HDAC4: variants seen among roughly 807,000 people sequenced by gnomAD.
HDAC4 encodes histone deacetylase 4.
Under a neutral mutation model 135.1 loss-of-function variants are expected in HDAC4, and 16 were observed. The observed-to-expected ratio is 0.12, with a 90% CI of 0.08 to 0.18. The LOEUF is 0.18. HDAC4 is among the 10% of genes least tolerant of loss of function. HDAC4 has a pLI of 1.00. For missense variants in HDAC4, 1,143 were observed against 1,511.8 expected (o/e 0.76, Z 4.05); for synonymous variants, 685 against 653.4 (o/e 1.05, Z -0.74).
intron 3 of HDAC4, 99 bp from the exon 4 acceptor site, chr2:239,190,176 G>A: frequency 5.3e-6 from 7 of 1,328,908 alleles, no homozygotes; most frequent in Admixed American, 4.9e-5. Context: ...TCACGGGGCG[G>A]GGGGGGGGTT....
chr2:239,077,788 TG>T (rs559153906), intron 22 of HDAC4, among the ~76,000 whole-genome samples: 626 of 152,264 alleles, frequency 4.1e-3, no homozygotes, highest in Non-Finnish European at 6.7e-3. Context: ...AAAACACACC[TG>T]TCTACAAAAG....
intron 4 of HDAC4, 59 bp from the exon 5 acceptor site, chr2:239,176,622 C>A (rs1021083797): frequency 6.5e-7 from 1 of 1,548,796 alleles, no homozygotes; most frequent in East Asian, 2.2e-5. Flanking sequence ...CACACAGAGA[C>A]CCAATGAAGA....
At chr2:239,249,395 G>A (rs1451391795) in intron 2 of HDAC4, among the ~76,000 whole-genome samples, 1 of 152,196 alleles carries the variant, frequency 6.6e-6, no homozygotes, top group Non-Finnish European at 1.5e-5. Context: ...ACTCTGCGAT[G>A]GACTTGGCGT....
chr2:239,213,070 G>A (rs1458658934), intron 3 of HDAC4, among the ~76,000 whole-genome samples: 1 of 152,200 alleles, frequency 6.6e-6, no homozygotes, highest in Non-Finnish European at 1.5e-5. Flanking sequence ...ACGCAAAGCT[G>A]GAGGAGGTGT....
chr2:239,095,305 G>C (rs1349696335), intron 16 of HDAC4, among the ~76,000 whole-genome samples: 2 of 152,196 alleles, frequency 1.3e-5, no homozygotes, highest in African/African-American at 4.8e-5. Context: ...AATTGTTGTG[G>C]CATCAGCCTG....
chr2:239,299,829 G>A lies in HDAC4; in HGVS notation c.22+52849C>T, dbSNP rs537153272. Among the ~76,000 whole-genome samples, 16 of 152,138 alleles carry A rather than the reference G, an allele frequency of 1.1e-4. No individual in the cohort carries two copies. Among genetic ancestry groups the A allele is most frequent in the Non-Finnish European group, 1.9e-4 (13 of 68,012 alleles). On this transcript the variant is annotated intron_variant, in intron 2 of 26. Transcript: ENST00000543185. This position sits in a 1 kb window ranked among gnomAD's most constrained non-coding sequence, Gnocchi z 4.0. The stretch of plus-strand genomic sequence containing the variant: ...GTCACAGGGGAGGCACACACCAGAC[G>A]AACCAAACCAGCAACAGAGCGGAGA...
chr2:239,263,558 G>A (rs879721119), intron 2 of HDAC4, among the ~76,000 whole-genome samples: 1 of 152,212 alleles, frequency 6.6e-6, no homozygotes, highest in Non-Finnish European at 1.5e-5. Context: ...GCACGGAGCT[G>A]CTGTCAAGGA....
intron 22 of HDAC4, among the ~76,000 whole-genome samples, chr2:239,074,515 A>G (rs149113166): frequency 3.7e-4 from 57 of 152,354 alleles, no homozygotes; most frequent in African/African-American, 1.3e-3. Flanking sequence ...ACAAAATGGG[A>G]AAGATGAGCC....
At chr2:239,180,313 G>A (rs2044063618) in intron 4 of HDAC4, among the ~76,000 whole-genome samples, 1 of 152,120 alleles carries the variant, frequency 6.6e-6, no homozygotes, top group South Asian at 2.1e-4. Flanking sequence ...ATGGTCACAG[G>A]CGGTGCAGGG....
rs148813865 is a variant in HDAC4, at chr2:239,111,695, C to T, written c.1809G>A (p.Glu603=). The change falls in exon 14 of 27, where the codon GAG becomes GAA. Residue 603 remains glutamate, a synonymous_variant. Coordinates refer to ENST00000543185, the MANE Select transcript of HDAC4 (RefSeq NM_001378414.1). The part of the protein sequence containing the change: ...LLFRQQALLL[E]QQRIHQLRNY... The stretch of plus-strand genomic sequence containing the variant: ...TCCTCAGCTGGTGGATCCGCTGCTG[C>T]TCCAGCAGGAGGGCTTGCTGCGGGG... 3.5e-3 allele frequency: 5,663 copies of T among 1,600,426 alleles called. 21 individuals are homozygous for T. The highest frequency in any genetic ancestry group is 4.3e-3 in the Non-Finnish European group (5,040 of 1,174,128).
intron 2 of HDAC4, among the ~76,000 whole-genome samples, chr2:239,316,602 A>G (rs2053123648): frequency 6.6e-6 from 1 of 152,138 alleles, no homozygotes; most frequent in Admixed American, 6.5e-5. Context: ...GGCCCTAGGT[A>G]AGAGAGCGGC....
rs1225187991 is a variant in HDAC4 at position 239,349,241 on chromosome 2, C to A, written c.22+3437G>T. Among the ~76,000 whole-genome samples, 4 of 152,166 alleles carry A rather than the reference C, an allele frequency of 2.6e-5. No homozygotes were observed. The highest frequency in any genetic ancestry group is 1.5e-5 in the Non-Finnish European group (1 of 68,020). Reference sequence around the variant, plus strand: ...CTAGCAGAGGACGGCACGAGAGACACACGGAGGGAGGGGAGGTGCAGCCAG... The same window carrying A: ...CTAGCAGAGGACGGCACGAGAGACAAACGGAGGGAGGGGAGGTGCAGCCAG... On this transcript the variant is annotated intron_variant, in intron 2 of 26. Transcript: ENST00000543185. This position sits in a 1 kb window ranked among gnomAD's most constrained non-coding sequence, Gnocchi z 5.7.
chr2:239,329,283 C>T (rs1382309011), intron 2 of HDAC4, among the ~76,000 whole-genome samples: 1 of 152,258 alleles, frequency 6.6e-6, no homozygotes, highest in African/African-American at 2.4e-5. Flanking sequence ...GACAGGAACC[C>T]TCCATTATCT....
chr2:239,203,245 A>T (rs749900990), intron 3 of HDAC4, among the ~76,000 whole-genome samples: 9 of 152,188 alleles, frequency 5.9e-5, no homozygotes, highest in Non-Finnish European at 1.2e-4. Flanking sequence ...GTGGGTGCCC[A>T]CCCAGCACAG....
chr2:239,397,388 G>A (rs1696632941), intron 1 of HDAC4, among the ~76,000 whole-genome samples: 2 of 152,158 alleles, frequency 1.3e-5, no homozygotes, highest in South Asian at 2.1e-4. Context: ...CGTCAGCTAC[G>A]GGAGCACGTG....
chr2:239,095,944 G>A (rs965767120), intron 16 of HDAC4, among the ~76,000 whole-genome samples: 1 of 152,182 alleles, frequency 6.6e-6, no homozygotes, highest in African/African-American at 2.4e-5. Context: ...ATGCTCCAGG[G>A]AGACTGGCTT....
At chr2:239,098,059 G>C (rs758825804) in intron 16 of HDAC4, among the ~76,000 whole-genome samples, 1 of 152,232 alleles carries the variant, frequency 6.6e-6, no homozygotes, top group Non-Finnish European at 1.5e-5. Context: ...AGCCAACCAT[G>C]TCTACATTAA....
chr2:239,257,783 A>G (rs1289866964), intron 2 of HDAC4, among the ~76,000 whole-genome samples: 1 of 152,192 alleles, frequency 6.6e-6, no homozygotes, highest in African/African-American at 2.4e-5. Flanking sequence ...GATTTTGCAA[A>G]TAATATTTTC....
chr2:239,251,092 C>A (rs2124953926), intron 2 of HDAC4, among the ~76,000 whole-genome samples: 1 of 152,348 alleles, frequency 6.6e-6, no homozygotes, highest in East Asian at 1.9e-4. Flanking sequence ...AAGGGCCTTT[C>A]CACATGAGTG....
Sources: gnomAD v4.1 joint callset for allele counts (sites outside exome capture counted in the v4.1 genomes callset) on GRCh38, gnomAD v4.1.1 for gene constraint, Gnocchi (gnomAD v3.1) non-coding constraint, MANE v1.5 for transcripts, NCBI Gene and HGNC (gene_info 2026-07-23, HGNC 2026-07-21) for gene names.